Variants in ZSCAN25 observed in about 807,000 individuals in gnomAD.
The protein encoded by ZSCAN25 is zinc finger and SCAN domain-containing protein 25.
ZSCAN25 carries 27 observed loss-of-function variants against 38.7 expected under a neutral mutation model. That is an observed-to-expected ratio of 0.70 (90% CI 0.51 to 0.96). The LOEUF is 0.96. ZSCAN25 is among the 40% of genes least tolerant of loss of function. The pLI, the probability that ZSCAN25 is intolerant of heterozygous loss-of-function variation, is 0.00. For synonymous variants in ZSCAN25, 273 were observed against 277.7 expected (o/e 0.98, Z 0.17); for missense variants, 637 against 705.9 (o/e 0.90, Z 1.11).
At chr7:99,731,921 C>G in the ZSCAN25 span, among the ~76,000 whole-genome samples, 1 of 152,186 alleles carries the variant, frequency 6.6e-6, no homozygotes, top group Non-Finnish European at 1.5e-5. Context: ...TGACACTGTG[C>G]AGAAGAATCA....
At chr7:99,664,732 C>G in the ZSCAN25 span, among the ~76,000 whole-genome samples, 2 of 152,036 alleles carry the variant, frequency 1.3e-5, no homozygotes, top group East Asian at 3.9e-4. Flanking sequence ...AAGAAAATAT[C>G]TCAAATTGAT....
chr7:99,676,499 C>T, the ZSCAN25 span: 3 of 1,390,514 alleles, frequency 2.2e-6, no homozygotes, highest in Admixed American at 5.6e-5. Flanking sequence ...GAGGTTCAGG[C>T]AGGAATTCTT....
the ZSCAN25 span, among the ~76,000 whole-genome samples, chr7:99,670,409 G>T: frequency 1.2e-4 from 18 of 152,170 alleles, no homozygotes; most frequent in Non-Finnish European, 1.9e-4. Flanking sequence ...TCGACATGTT[G>T]GCTAAACATG....
At chr7:99,638,756 CT>C in the ZSCAN25 span, 1 of 1,086,126 alleles carries the variant, frequency 9.2e-7, no homozygotes, top group Non-Finnish European at 1.4e-6. Flanking sequence ...TTGCATAGCA[CT>C]TTCCCCATCG....
At position 99,619,557 on chromosome 7, in the gene ZSCAN25, A is replaced by C; in HGVS notation, c.-46-4A>C. On this transcript the variant is annotated splice_region_variant and splice_polypyrimidine_tract_variant and intron_variant, in intron 3 of 7. Transcript: ENST00000394152. ...ACCTTTCATGTGTCTCTTGTTCTCA[A>C]AAGGGTCATTGATGCAGTCATTCTC... 1 of 1,551,622 alleles carries C rather than the reference A, an allele frequency of 6.4e-7. No homozygotes were observed. Among genetic ancestry groups the C allele is most frequent in the Non-Finnish European group, 8.7e-7 (1 of 1,149,784 alleles).
chr7:99,642,442 G>A, the ZSCAN25 span, among the ~76,000 whole-genome samples: 1 of 152,178 alleles, frequency 6.6e-6, no homozygotes, highest in African/African-American at 2.4e-5. Context: ...CCAACCATCA[G>A]TCAGGTGAGA....
At chr7:99,671,677 A>G in the ZSCAN25 span, 1 of 608,900 alleles carries the variant, frequency 1.6e-6, no homozygotes, top group South Asian at 2.0e-5. Flanking sequence ...TAAGCAAAGG[A>G]TTTTCAGACT....
Position 99,621,410 on chromosome 7 carries a change from C to A in ZSCAN25, c.425C>A (p.Ala142Glu). ...AGGCAGGGAGAGCAGGAGGAAACAG[C>A]ACTTTGCAGAGGCGCTTGGGAGCCA... ...CHRQGEQEET[A>E]LCRGAWEPGI... Residue 142 changes from alanine (A) to glutamate (E), a missense_variant, in exon 5 of 8, where the codon GCA becomes GAA. Physicochemically the swap from Ala to Glu is moderately radical, Grantham distance 107 (BLOSUM62 -1). Transcript: ENST00000394152. 1 of 1,503,096 alleles carries A rather than the reference C, an allele frequency of 6.7e-7. No homozygotes were observed. The highest frequency in any genetic ancestry group is 9.0e-7 in the Non-Finnish European group (1 of 1,116,522). 93.1% of individuals were successfully genotyped at this position (1,503,096 alleles called of 1,614,324 possible).
the ZSCAN25 span, among the ~76,000 whole-genome samples, chr7:99,651,119 G>A: frequency 4.0e-3 from 614 of 152,238 alleles, 2 homozygotes; most frequent in African/African-American, 0.014. Context: ...GGAGGGTGAT[G>A]GTGGCATTTG....
chr7:99,737,328 A>G, the ZSCAN25 span, among the ~76,000 whole-genome samples: 1 of 152,168 alleles, frequency 6.6e-6, no homozygotes, highest in African/African-American at 2.4e-5. Context: ...GGCAAATAGT[A>G]AGACTCAAGG....
At chr7:99,656,087 A>C in the ZSCAN25 span, among the ~76,000 whole-genome samples, 1 of 152,158 alleles carries the variant, frequency 6.6e-6, no homozygotes, top group Non-Finnish European at 1.5e-5. Context: ...CTCTTGCCTG[A>C]TTGCCCTGGC....
the ZSCAN25 span, among the ~76,000 whole-genome samples, chr7:99,707,100 A>G: frequency 1.3e-5 from 2 of 152,206 alleles, no homozygotes; most frequent in Non-Finnish European, 2.9e-5. Flanking sequence ...TAGGACTTGA[A>G]AGATAAGAAC....
At chr7:99,720,609 T>C in the ZSCAN25 span, 1 of 554,682 alleles carries the variant, frequency 1.8e-6, no homozygotes, top group South Asian at 2.2e-5. Context: ...CTTCATACGA[T>C]GAAGGGTAAT....
the ZSCAN25 span, among the ~76,000 whole-genome samples, chr7:99,693,722 C>T: frequency 1.3e-5 from 2 of 152,340 alleles, no homozygotes; most frequent in South Asian, 2.1e-4. Context: ...GATCGAGGCA[C>T]GGGAGGGTAT....
At chr7:99,628,184 T>A (rs1320169869) in intron 7 of ZSCAN25, among the ~76,000 whole-genome samples, 1 of 152,214 alleles carries the variant, frequency 6.6e-6, no homozygotes, top group African/African-American at 2.4e-5. Context: ...CATAAATGGC[T>A]TGTACACTTT....
At chr7:99,700,113 G>T in the ZSCAN25 span, 11 of 974,638 alleles carry the variant, frequency 1.1e-5, no homozygotes, top group South Asian at 1.2e-4. Context: ...TGTCTGCCTG[G>T]AGCATCCCTG....
the ZSCAN25 span, among the ~76,000 whole-genome samples, chr7:99,687,860 C>A: frequency 6.6e-6 from 1 of 152,114 alleles, no homozygotes; most frequent in Admixed American, 6.5e-5. Flanking sequence ...GAGTGGGGAC[C>A]AATATTCAAC....
chr7:99,699,145 C>T, the ZSCAN25 span, among the ~76,000 whole-genome samples: 1 of 152,184 alleles, frequency 6.6e-6, no homozygotes, highest in Non-Finnish European at 1.5e-5. Flanking sequence ...GCTTTCACAG[C>T]TCCTGCCTTT....
chr7:99,669,042 C>T, the ZSCAN25 span, among the ~76,000 whole-genome samples: 3 of 152,094 alleles, frequency 2.0e-5, no homozygotes, highest in African/African-American at 7.2e-5. Context: ...CTGTTAATTT[C>T]CATAATAAAA....
Sources: allele counts gnomAD v4.1 joint callset (sites outside exome capture counted in the v4.1 genomes callset), GRCh38; gene constraint gnomAD v4.1.1; transcripts MANE v1.5; gene names NCBI Gene and HGNC (gene_info 2026-07-23, HGNC 2026-07-21).